The following GOLM2 variants were observed in gnomAD, a reference collection of about 807,000 sequenced individuals.
GOLM2 encodes protein GOLM2.
A neutral mutation model predicts 55.9 loss-of-function variants in GOLM2; 26 were observed. That is an observed-to-expected ratio of 0.47 (90% CI 0.34 to 0.65). GOLM2 has a LOEUF of 0.65. Among genes scored for constraint, GOLM2 ranks in the 30% least tolerant of loss-of-function variants. GOLM2 has a pLI of 0.01. For synonymous variants in GOLM2, 165 were observed against 194.6 expected (o/e 0.85, Z 1.27); for missense variants, 486 against 531.8 (o/e 0.91, Z 0.85).
intron 6 of GOLM2, among the ~76,000 whole-genome samples, chr15:44,376,964 A>G (rs941790116): frequency 6.6e-6 from 1 of 152,222 alleles, no homozygotes; most frequent in African/African-American, 2.4e-5. Flanking sequence ...AAAGTAAACA[A>G]AAGGCAAAAT....
At chr15:44,369,556 G>A (rs1329956423) in intron 6 of GOLM2, among the ~76,000 whole-genome samples, 5 of 151,994 alleles carry the variant, frequency 3.3e-5, no homozygotes, top group African/African-American at 1.2e-4. Context: ...GGGCACAGTG[G>A]CTCACGCCTG....
intron 8 of GOLM2, among the ~76,000 whole-genome samples, chr15:44,399,436 A>G (rs1421249365): frequency 2.0e-5 from 3 of 152,174 alleles, no homozygotes; most frequent in African/African-American, 7.2e-5. Context: ...ACAAAGGGCA[A>G]TTGTGTCATT....
At position 44,289,249 on chromosome 15, in the gene GOLM2, G is replaced by T. The variant is rs761715392; in HGVS notation, c.220G>T (p.Val74Leu). 6.2e-7 allele frequency: 1 copy of T among 1,614,162 alleles called. No homozygotes were observed. The highest frequency in any genetic ancestry group is 8.5e-7 in the Non-Finnish European group (1 of 1,180,020). Residue 74 changes from valine (V) to leucine (L), a missense_variant, in exon 1 of 10, where the codon GTG becomes TTG. Val to Leu is a conservative substitution (Grantham distance 32). Coordinates refer to ENST00000299957, the MANE Select transcript of GOLM2 (RefSeq NM_138423.4). This position sits in a 1 kb window ranked among gnomAD's most constrained non-coding sequence, Gnocchi z 4.8. ...GCGCAATTCGGACCTCTTGCTGTTG[G>T]TGGACACGCACAAGAAACAGATCGA... ...EKRNSDLLLL[V>L]DTHKKQIDQK...
intron 1 of GOLM2, chr15:44,307,515 A>G (rs544321451): frequency 1.3e-5 from 2 of 152,332 alleles, no homozygotes; most frequent in Admixed American, 6.5e-5. Flanking sequence ...TTCAGCCCAC[A>G]TGATACTAAT....
chr15:44,337,883 A>G lies in GOLM2; in HGVS notation c.697A>G (p.Ser233Gly). 1.3e-6 allele frequency: 2 copies of G among 1,599,754 alleles called. No homozygotes were observed. The highest frequency in any genetic ancestry group is 1.7e-6 in the Non-Finnish European group (2 of 1,176,744). The change falls in exon 5 of 10, where the codon AGC (serine) becomes GGC (glycine). Residue 233 changes from serine (S) to glycine (G), a missense_variant. Transcript: ENST00000299957. ...TGCAGATAAGAATGAAGAACCCTCA[A>G]GCAATCATATTCCACATGGGAAAGG... ...NVADKNEEPSSNHIPHGKEQI... is the reference protein window; with the variant it reads ...NVADKNEEPSGNHIPHGKEQI...
chr15:44,365,511 C>T (rs907232252), intron 6 of GOLM2, among the ~76,000 whole-genome samples: 1 of 151,770 alleles, frequency 6.6e-6, no homozygotes, highest in Admixed American at 6.6e-5. Flanking sequence ...GGAGTAAGAA[C>T]CTGTGTCAAA....
chr15:44,360,233 C>G (rs551099459), intron 6 of GOLM2, among the ~76,000 whole-genome samples: 6 of 152,136 alleles, frequency 3.9e-5, no homozygotes, highest in Admixed American at 1.3e-4. Context: ...GGACTAAATG[C>G]TCCAATTAAA....
At chr15:44,363,863 A>G (rs2079262491) in intron 6 of GOLM2, among the ~76,000 whole-genome samples, 1 of 152,152 alleles carries the variant, frequency 6.6e-6, no homozygotes, top group African/African-American at 2.4e-5. Context: ...CTATGCAGCC[A>G]TAAAAAATGA....
At chr15:44,356,265 A>T (rs2079197603) in intron 6 of GOLM2, among the ~76,000 whole-genome samples, 1 of 152,208 alleles carries the variant, frequency 6.6e-6, no homozygotes, top group Non-Finnish European at 1.5e-5. Flanking sequence ...AAAACAGGAA[A>T]TCATTAGAGA....
intron 8 of GOLM2, among the ~76,000 whole-genome samples, chr15:44,384,279 C>T (rs191006100): frequency 6.6e-6 from 1 of 152,214 alleles, no homozygotes; most frequent in Non-Finnish European, 1.5e-5. Flanking sequence ...GCTTTTTTCT[C>T]TCTGTCTATG....
intron 6 of GOLM2, among the ~76,000 whole-genome samples, chr15:44,361,853 G>A (rs1282956561): frequency 1.3e-5 from 2 of 152,148 alleles, no homozygotes. Context: ...CCATGATCAA[G>A]TGGGCTTCAT....
intron 9 of GOLM2, among the ~76,000 whole-genome samples, chr15:44,412,238 A>G (rs1292076656): frequency 1.3e-5 from 2 of 152,212 alleles, no homozygotes; most frequent in African/African-American, 4.8e-5. Flanking sequence ...AATTTGCAGC[A>G]AAATTAGAAA....
chr15:44,297,297 A>T (rs186277633), intron 1 of GOLM2, among the ~76,000 whole-genome samples: 1 of 152,318 alleles, frequency 6.6e-6, no homozygotes, highest in East Asian at 1.9e-4. Context: ...CCTTATTTTC[A>T]GAGTGGCTGT....
chr15:44,408,332 A>T (rs971760671), intron 9 of GOLM2, among the ~76,000 whole-genome samples: 1 of 152,202 alleles, frequency 6.6e-6, no homozygotes, highest in African/African-American at 2.4e-5. Flanking sequence ...AGAAACTTGA[A>T]TTCTGGGTAG....
At chr15:44,395,656 A>G (rs1332988871) in intron 8 of GOLM2, among the ~76,000 whole-genome samples, 2 of 151,886 alleles carry the variant, frequency 1.3e-5, no homozygotes, top group Admixed American at 1.3e-4. Context: ...CCTGGCCAAC[A>G]TGATGAAACC....
intron 8 of GOLM2, among the ~76,000 whole-genome samples, chr15:44,397,715 C>G (rs943307356): frequency 6.6e-6 from 1 of 151,984 alleles, no homozygotes; most frequent in African/African-American, 2.4e-5. Context: ...TTTAAATCTA[C>G]ATGTTTAGCC....
chr15:44,305,368 C>T (rs999119363), intron 1 of GOLM2, among the ~76,000 whole-genome samples: 1 of 151,484 alleles, frequency 6.6e-6, no homozygotes, highest in Non-Finnish European at 1.5e-5. Context: ...GGTGCGATCT[C>T]GGCTCACTAC....
At chr15:44,385,546 T>C (rs1397077911) in intron 8 of GOLM2, among the ~76,000 whole-genome samples, 1 of 152,082 alleles carries the variant, frequency 6.6e-6, no homozygotes, top group Non-Finnish European at 1.5e-5. Context: ...CCTTTGTCCT[T>C]TTTTAAAATT....
intron 1 of GOLM2, among the ~76,000 whole-genome samples, chr15:44,309,021 A>G (rs1404014094): frequency 3.3e-5 from 5 of 152,230 alleles, no homozygotes; most frequent in Non-Finnish European, 5.9e-5. Flanking sequence ...GCCAACAGGT[A>G]CAGTCATATG....
Sources: gnomAD v4.1 joint callset for allele counts (sites outside exome capture counted in the v4.1 genomes callset) on GRCh38, gnomAD v4.1.1 for gene constraint, Gnocchi (gnomAD v3.1) non-coding constraint, MANE v1.5 for transcripts, NCBI Gene and HGNC (gene_info 2026-07-23, HGNC 2026-07-21) for gene names.